The following SLC22A6 variants were observed in gnomAD, a reference collection of about 807,000 sequenced individuals.
SLC22A6 encodes the protein solute carrier family 22 member 6.
SLC22A6 carries 45 observed loss-of-function variants against 56.7 expected under a neutral mutation model. The ratio of observed to expected loss-of-function variants is 0.79; its 90% confidence interval spans 0.63 to 1.02. The LOEUF (loss-of-function observed/expected upper bound fraction) is 1.02. SLC22A6 is among the 50% of genes least tolerant of loss of function. The pLI, the probability that SLC22A6 is intolerant of heterozygous loss-of-function variation, is 0.00. For synonymous variants in SLC22A6, 291 were observed against 295.9 expected, an observed-to-expected ratio of 0.98 and a Z score of 0.17; for missense variants, 606 against 713.8, an observed-to-expected ratio of 0.85 and a Z score of 1.72.
rs756607685 is a variant in SLC22A6, at chr11:62,981,402, G to T, written c.798-19C>A. 1.7e-5 allele frequency: 24 copies of T among 1,442,018 alleles called. No homozygotes were observed. Among genetic ancestry groups the T allele is most frequent in the African/African-American group, 5.7e-5 (4 of 70,758 alleles). 89.3% of individuals were successfully genotyped at this position (1,442,018 alleles called of 1,614,324 possible). A position where few individuals can be genotyped will look rare whatever the true frequency, so the allele number is the denominator to read the frequency against. On this transcript the variant is annotated intron_variant, in intron 4 of 9. Transcript: ENST00000360421. ...GAAGAACCTGGGAGCGGGGGTGGGG[G>T]TGGGTGTCAGCATGGCTTCAGTTCC... is the stretch of plus-strand genomic sequence containing the variant.
rs149011842 is a variant in SLC22A6, at chr11:62,984,531, C to T, written c.160G>A (p.Asp54Asn). 80 of 1,613,858 alleles carry T rather than the reference C, an allele frequency of 5.0e-5. No homozygotes were observed. Among genetic ancestry groups the T allele is most frequent in the African/African-American group, 2.7e-4 (20 of 75,036 alleles). The change falls in exon 1 of 10, where the codon GAT becomes AAT. Residue 54 changes from aspartate to asparagine, a missense_variant. Asp to Asn is a conservative substitution (Grantham distance 23). Transcript: ENST00000360421. ...CCCCCGTTCTTGCTGAGGTTGGCAT[C>T]GGCAGGCGGGCGGCAGTGGTGGGTA... ...IPTHHCRPPA[D>N]ANLSKNGGLE...
rs1019195905 is a variant in SLC22A6, at chr11:62,978,537, G to A, written c.1361+951C>T. On this transcript the variant is annotated intron_variant, in intron 8 of 9. Coordinates refer to ENST00000360421, the MANE Select transcript of SLC22A6 (RefSeq NM_153276.3). Reference sequence around the variant, plus strand: ...TAATTTTTGTATTTTTAGTACAGACGGAGTTTCACCATGTTGGTTAGCCAG... The same window carrying A: ...TAATTTTTGTATTTTTAGTACAGACAGAGTTTCACCATGTTGGTTAGCCAG... 6.6e-4 allele frequency among the ~76,000 whole-genome samples: 99 copies of A among 149,682 alleles called. 1 individual carries two copies. The highest frequency in any genetic ancestry group is 7.4e-4 in the Non-Finnish European group (50 of 67,706).
chr11:62,983,892 T>C lies in SLC22A6; in HGVS notation c.473+52A>G. The C allele has an allele frequency of 7.2e-7, 1 of 1,397,148 alleles. No homozygotes were observed. The highest frequency in any genetic ancestry group is 1.0e-6 in the Non-Finnish European group (1 of 1,002,416). The allele number at this position is 1,397,148 out of a possible 1,614,324, so 86.5% of individuals were successfully genotyped here. On this transcript the variant is annotated intron_variant, in intron 2 of 9. Coordinates refer to ENST00000360421, the MANE Select transcript of SLC22A6 (RefSeq NM_153276.3). This position sits in a 1 kb window ranked among gnomAD's most constrained non-coding sequence, Gnocchi z 4.5. ...CCCACCTAGACACCCTGAGCCCAGC[T>C]GAGCCCCTAATCCCAGCCCAGCCCA...
Position 62,981,835 on chromosome 11 carries a change from C to T in SLC22A6, c.797+7G>A, listed in dbSNP as rs776537848. On this transcript the variant is annotated splice_region_variant and intron_variant, in intron 4 of 9. Transcript: ENST00000360421. ...GGCAACCACCTCCAACCCTAGGCCC[C>T]ACGCACCAGGAGTAGATGAAGAAGG... 1 of 1,604,620 alleles carries T rather than the reference C, an allele frequency of 6.2e-7. No individual in the cohort carries two copies. The highest frequency in any genetic ancestry group is 1.3e-5 in the African/African-American group (1 of 74,814).
chr11:62,978,034 C>A (rs1020025425), intron 8 of SLC22A6, among the ~76,000 whole-genome samples: 1 of 152,166 alleles, frequency 6.6e-6, no homozygotes, highest in Non-Finnish European at 1.5e-5. Context: ...CCTCTCTTTG[C>A]CTCAGCTTTC....
intron 8 of SLC22A6, among the ~76,000 whole-genome samples, chr11:62,978,296 G>A (rs1186923824): frequency 3.8e-5 from 5 of 131,516 alleles, no homozygotes; most frequent in Non-Finnish European, 8.8e-5. Context: ...TGTAAATTTT[G>A]CATCCCATTC....
rs11568626 is a variant in SLC22A6 at position 62,984,542 on chromosome 11, C to A, written c.149G>T (p.Arg50Leu). The change falls in exon 1 of 10, where the codon CGC (arginine) becomes CTC (leucine). Residue 50 changes from arginine to leucine, a missense_variant. By Grantham distance (102) the Arg-to-Leu change is moderately radical (BLOSUM62 -2). Transcript: ENST00000360421. ...GCTGAGGTTGGCATCGGCAGGCGGG[C>A]GGCAGTGGTGGGTAGGGATGGCAGC... ...FTAAIPTHHC[R>L]PPADANLSKN... 1 of 1,613,592 alleles carries A rather than the reference C, an allele frequency of 6.2e-7. No homozygotes were observed. Among genetic ancestry groups the A allele is most frequent in the Admixed American group, 1.7e-5 (1 of 59,988 alleles).
At chr11:62,984,180 C>T in intron 1 of SLC22A6, 133 bp from the exon 2 acceptor site, 1 of 1,263,988 alleles carries the variant, frequency 7.9e-7, no homozygotes, top group East Asian at 2.5e-5. Flanking sequence ...CTCTCTGGTC[C>T]TGACAGCTGA....
intron 8 of SLC22A6, among the ~76,000 whole-genome samples, chr11:62,978,348 AT>A (rs1311817800): frequency 4.8e-5 from 7 of 146,904 alleles, no homozygotes; most frequent in African/African-American, 1.8e-4. Flanking sequence ...ATTTTATTTT[AT>A]TTTATTTTAT....
At position 62,982,018 on chromosome 11, in the gene SLC22A6, G is replaced by A; in HGVS notation, c.629-8C>T. 1 of 1,612,554 alleles carries A rather than the reference G, an allele frequency of 6.2e-7. No homozygotes were observed. The highest frequency in any genetic ancestry group is 8.5e-7 in the Non-Finnish European group (1 of 1,179,286). On this transcript the variant is annotated splice_polypyrimidine_tract_variant and splice_region_variant and intron_variant, in intron 3 of 9. Transcript: ENST00000360421. ...TGGGCATCCACTCCACATCTGGAAA[G>A]AGGGTTAAGACAGGATGCTGCAACT...
In SLC22A6 at chr11:62,984,033, G is replaced by A. The variant is rs2086287461; in HGVS notation, c.384C>T (p.Cys128=). 5.6e-6 allele frequency: 9 copies of A among 1,611,564 alleles called. No homozygotes were observed. Among genetic ancestry groups the A allele is most frequent in the Non-Finnish European group, 7.6e-6 (9 of 1,178,008 alleles). ...CCAGCTGGCGTAGGGCCCTGTGAGA[G>A]CACACAAGGTCCCACTGTGGGGAGA... The part of the protein sequence containing the change: ...STIVTEWDLV[C]SHRALRQLAQ... Residue 128 remains cysteine (C), a synonymous_variant, in exon 2 of 10, where the codon TGC becomes TGT. Transcript: ENST00000360421.
intron 8 of SLC22A6, 30 bp from the exon 9 acceptor site, chr11:62,977,417 T>C: frequency 6.3e-7 from 1 of 1,588,702 alleles, no homozygotes. Context: ...TGGGTGTTGG[T>C]TAGAGTTCCA....
chr11:62,980,834 G>A (rs2086244348), intron 6 of SLC22A6, 151 bp downstream of exon 6: 1 of 634,468 alleles, frequency 1.6e-6, no homozygotes, highest in African/African-American at 1.8e-5. Context: ...GGGGCATCTG[G>A]TTCCTAAGGA....
At position 62,984,048 on chromosome 11, in the gene SLC22A6, C is replaced by T. The variant is rs963089056; in HGVS notation, c.370-1G>A. ...CCCTGTGAGAGCACACAAGGTCCCACTGTGGGGAGAGGAGCAAGGGTCAGG... is the reference window on the plus strand; with the variant it reads ...CCCTGTGAGAGCACACAAGGTCCCATTGTGGGGAGAGGAGCAAGGGTCAGG... On this transcript the variant is annotated splice_acceptor_variant, in intron 1 of 9. Transcript: ENST00000360421. LOFTEE classifies it high-confidence loss of function. 2.5e-6 allele frequency: 4 copies of T among 1,605,370 alleles called. No homozygotes were observed. Among genetic ancestry groups the T allele is most frequent in the Non-Finnish European group, 8.5e-7 (1 of 1,173,158 alleles).
In SLC22A6 at chr11:62,983,465, T is replaced by C. The variant is rs554988959; in HGVS notation, c.628+72A>G. On this transcript the variant is annotated intron_variant, in intron 3 of 9. Transcript: ENST00000360421. The surrounding 1 kb of genome is among the most constrained non-coding windows in gnomAD (Gnocchi z 4.5). The stretch of plus-strand genomic sequence containing the variant: ...CAGGCAGGGCTCAGGAGGGGCAGGC[T>C]GGGAGGGGAGGCTGGAAAGGGGTTG... 4 of 1,491,146 alleles carry C rather than the reference T, an allele frequency of 2.7e-6. No individual in the cohort carries two copies. The highest frequency in any genetic ancestry group is 1.4e-5 in the African/African-American group (1 of 71,516). 92.4% of individuals were successfully genotyped at this position (1,491,146 alleles called of 1,614,324 possible).
chr11:62,976,725 T>G lies in SLC22A6; in HGVS notation c.*69A>C. ...GTCACCATTTCCTCTTCCTCCTCCTTGTGTGGGTGGCCGGAGACCTGTAGG... is the reference window on the plus strand; with the variant it reads ...GTCACCATTTCCTCTTCCTCCTCCTGGTGTGGGTGGCCGGAGACCTGTAGG... On this transcript the variant is annotated 3_prime_UTR_variant, in exon 10 of 10. Transcript: ENST00000360421. 1 of 1,312,222 alleles carries G rather than the reference T, an allele frequency of 7.6e-7. No homozygotes were observed. The highest frequency in any genetic ancestry group is 1.1e-6 in the Non-Finnish European group (1 of 936,116). 81.3% of individuals were successfully genotyped at this position (1,312,222 alleles called of 1,614,324 possible). A position where few individuals can be genotyped will look rare whatever the true frequency, so the allele number is the denominator to read the frequency against.
intron 4 of SLC22A6, 63 bp downstream of exon 4, chr11:62,981,779 G>A (rs1185383849): frequency 1.3e-6 from 2 of 1,484,474 alleles, no homozygotes; most frequent in South Asian, 1.3e-5. Flanking sequence ...TCTGGGAGAT[G>A]TCCTGTCCCT....
In SLC22A6 at chr11:62,979,551, C is replaced by T. The variant is rs1286859560; in HGVS notation, c.1298G>A (p.Cys433Tyr). The T allele has an allele frequency of 6.2e-7, 1 of 1,614,070 alleles. No individual in the cohort carries two copies. Among genetic ancestry groups the T allele is most frequent in the Non-Finnish European group, 8.5e-7 (1 of 1,180,030 alleles). Reference sequence around the variant, plus strand: ...GATGCAGTTGAAGGAGGCAGCCAGACAACCCTTCCCCAGCACAGCAAGAGA... The same window carrying T: ...GATGCAGTTGAAGGAGGCAGCCAGATAACCCTTCCCCAGCACAGCAAGAGA... ...RTSLAVLGKG[C>Y]LAASFNCIFL... The change falls in exon 8 of 10, where the codon TGT (cysteine) becomes TAT (tyrosine). Residue 433 changes from cysteine (C) to tyrosine (Y), a missense_variant. By Grantham distance (194) the Cys-to-Tyr change is radical. Coordinates refer to ENST00000360421, the MANE Select transcript of SLC22A6 (RefSeq NM_153276.3).
chr11:62,977,190 T>C lies in SLC22A6; in HGVS notation c.1559A>G (p.Glu520Gly). Residue 520 changes from glutamate to glycine, a missense_variant, in exon 9 of 10, where the codon GAG becomes GGG. By Grantham distance (98) the Glu-to-Gly change is moderately conservative. Coordinates refer to ENST00000360421, the MANE Select transcript of SLC22A6 (RefSeq NM_153276.3). The stretch of plus-strand genomic sequence containing the variant: ...TTTCTGAGTGGGGGCCCACCTGCTC[T>C]CCAGGTCCTGCACCGTGTCTGGCAG... ...QPLPDTVQDL[E>G]SRKGKQTRQQ... is the part of the protein sequence containing the mutation. 1 of 1,614,186 alleles carries C rather than the reference T, an allele frequency of 6.2e-7. No individual in the cohort carries two copies.
Sources: gnomAD v4.1 joint callset for allele counts (sites outside exome capture counted in the v4.1 genomes callset) on GRCh38, gnomAD v4.1.1 for gene constraint, Gnocchi (gnomAD v3.1) non-coding constraint, MANE v1.5 for transcripts, NCBI Gene and HGNC (gene_info 2026-07-23, HGNC 2026-07-21) for gene names.